Variants in ZNF236 observed in about 807,000 individuals in gnomAD.
The protein encoded by ZNF236 is zinc finger protein 236.
A neutral mutation model predicts 191.2 loss-of-function variants in ZNF236; 50 were observed. That is an observed-to-expected ratio of 0.26 (90% CI 0.21 to 0.33). ZNF236 has a LOEUF of 0.33. Ranked by LOEUF, ZNF236 falls within the 10% of genes least tolerant of loss-of-function variation. ZNF236 has a pLI of 1.00. For missense variants in ZNF236, 1,754 were observed against 2,374.5 expected (o/e 0.74, Z 5.43); for synonymous variants, 907 against 928.8 (o/e 0.98, Z 0.43).
intron 9 of ZNF236, among the ~76,000 whole-genome samples, chr18:76,883,444 G>A (rs1198554980): frequency 7.0e-6 from 1 of 142,860 alleles, no homozygotes; most frequent in African/African-American, 2.6e-5. Flanking sequence ...TTTTTTTTGA[G>A]ACTGGGTCTT....
At chr18:76,916,771 G>T (rs1203981479) in intron 19 of ZNF236, among the ~76,000 whole-genome samples, 1 of 152,206 alleles carries the variant, frequency 6.6e-6, no homozygotes, top group Non-Finnish European at 1.5e-5. Flanking sequence ...CTGTGCCGCG[G>T]CCATCCTGTC....
chr18:76,870,938 G>C (rs780501424), intron 4 of ZNF236, among the ~76,000 whole-genome samples: 1 of 152,176 alleles, frequency 6.6e-6, no homozygotes, highest in Non-Finnish European at 1.5e-5. Flanking sequence ...GGTGGCACTG[G>C]GCCTGGTGTG....
intron 1 of ZNF236, among the ~76,000 whole-genome samples, chr18:76,828,059 A>G (rs1219452228): frequency 6.6e-6 from 1 of 152,132 alleles, no homozygotes; most frequent in African/African-American, 2.4e-5. Context: ...TGGATAAACA[A>G]GTCTTTTCCT....
At position 76,960,993 on chromosome 18, in the gene ZNF236, C is replaced by A; in HGVS notation, c.5419+138C>A. 1 of 971,774 alleles carries A rather than the reference C, an allele frequency of 1.0e-6. No homozygotes were observed. The allele number at this position is 971,774 out of a possible 1,614,324, so 60.2% of individuals were successfully genotyped here. A position where few individuals can be genotyped will look rare whatever the true frequency, so the allele number is the denominator to read the frequency against. ...CAGCCTCAGTTGTGTGGACTGGAAG[C>A]TTGTGCTTTATTTTATTTTTTGATT... On this transcript the variant is annotated intron_variant, in intron 30 of 30. Transcript: ENST00000320610. This position sits in a 1 kb window ranked among gnomAD's most constrained non-coding sequence, Gnocchi z 4.4.
At position 76,878,171 on chromosome 18, in the gene ZNF236, A is replaced by G. The variant is rs1300853148; in HGVS notation, c.984+19A>G. 6.3e-7 allele frequency: 1 copy of G among 1,580,368 alleles called. No homozygotes were observed. Among genetic ancestry groups the G allele is most frequent in the East Asian group, 2.2e-5 (1 of 44,454 alleles). ...TTTAACGGTAAGTTTAGTAATTTGG[A>G]AGAACTTCTTTTTAAACTAAAATCT... On this transcript the variant is annotated intron_variant, in intron 7 of 30. Transcript: ENST00000320610.
rs1256167423 is a variant in ZNF236, at chr18:76,908,943, GTGTGTGTGTA to G, written c.2551+380_2551+389del. Among the ~76,000 whole-genome samples, 29 of 142,300 alleles carry G rather than the reference GTGTGTGTGTA, an allele frequency of 2.0e-4. No homozygotes were observed. The East Asian group carries it at 5.7e-3, about 28-fold the overall frequency. 93.4% of individuals were successfully genotyped at this position (142,300 alleles called of 152,430 possible). A position where few individuals can be genotyped will look rare whatever the true frequency, so the allele number is the denominator to read the frequency against. ...TTTTTTTCCATACAAATATGCAGGG[GTGTGTGTGTA>G]TGTGTGTGTCTGTGTGTGTGTGTGT... On this transcript the variant is annotated intron_variant, in intron 14 of 30. Transcript: ENST00000320610.
chr18:76,972,728 AT>A lies in ZNF236; in HGVS notation c.*4397del, dbSNP rs3841255. Among the ~76,000 whole-genome samples, 1 of 152,132 alleles carries A rather than the reference AT, an allele frequency of 6.6e-6. No homozygotes were observed. The highest frequency in any genetic ancestry group is 2.4e-5 in the African/African-American group (1 of 41,500). Reference sequence around the variant, plus strand: ...CCACTAAAGAAAATTTTTAAAGTTAATTTTTTTTAATTACAGAAGAATTCTC... The same window carrying A: ...CCACTAAAGAAAATTTTTAAAGTTAATTTTTTTAATTACAGAAGAATTCTC... On this transcript the variant is annotated 3_prime_UTR_variant, in exon 31 of 31. Transcript: ENST00000320610.
chr18:76,901,039 G>A (rs781160347), intron 11 of ZNF236, among the ~76,000 whole-genome samples: 2 of 152,208 alleles, frequency 1.3e-5, no homozygotes, highest in South Asian at 2.1e-4. Context: ...GACAGGAGGC[G>A]GAGCTCAGAT....
chr18:76,831,407 G>A (rs1210068282), intron 1 of ZNF236, among the ~76,000 whole-genome samples: 1 of 152,162 alleles, frequency 6.6e-6, no homozygotes, highest in Non-Finnish European at 1.5e-5. Flanking sequence ...ATATTCTACT[G>A]TATGGATGTA....
Position 76,878,015 on chromosome 18 carries a change from A to G in ZNF236, c.847A>G (p.Asn283Asp), listed in dbSNP as rs753227496. Residue 283 changes from asparagine to aspartate, a missense_variant, in exon 7 of 31, where the codon AAT becomes GAT. Coordinates refer to ENST00000320610, the MANE Select transcript of ZNF236 (RefSeq NM_001306089.2). ...TTCCTTTTTATTCTTTAAGGTCAAG[A>G]ATGGTCCTACCTATAACTGTACAGA... is the stretch of plus-strand genomic sequence containing the variant. Reference protein sequence around the residue: ...HVQRVHSEVKNGPTYNCTECS... With the variant: ...HVQRVHSEVKDGPTYNCTECS... 4.4e-6 allele frequency: 7 copies of G among 1,583,518 alleles called. No homozygotes were observed. The Admixed American group carries it at 5.3e-5, about 12-fold the overall frequency.
intron 17 of ZNF236, among the ~76,000 whole-genome samples, chr18:76,912,992 C>G (rs1967259239): frequency 6.6e-6 from 1 of 151,624 alleles, no homozygotes; most frequent in South Asian, 2.1e-4. Context: ...TCAGACACTT[C>G]CAGCTTTTAG....
intron 25 of ZNF236, among the ~76,000 whole-genome samples, chr18:76,928,794 G>A (rs750211594): frequency 4.0e-5 from 6 of 151,846 alleles, no homozygotes; most frequent in Admixed American, 2.0e-4. Context: ...CTTTGCTCAC[G>A]TGACTCTTAA....
At chr18:76,955,812 C>T (rs1968509244) in intron 27 of ZNF236, among the ~76,000 whole-genome samples, 173 bp from the exon 28 acceptor site, 1 of 152,224 alleles carries the variant, frequency 6.6e-6, no homozygotes, top group South Asian at 2.1e-4. Flanking sequence ...ATTCTGGTCT[C>T]ATATTGTGTG....
intron 12 of ZNF236, among the ~76,000 whole-genome samples, chr18:76,904,834 G>A (rs1283730800): frequency 6.6e-6 from 1 of 152,164 alleles, no homozygotes; most frequent in Non-Finnish European, 1.5e-5. Context: ...TATCAGTTTA[G>A]ATTAATTCTT....
intron 3 of ZNF236, among the ~76,000 whole-genome samples, chr18:76,862,478 T>A (rs1365970569): frequency 6.6e-6 from 1 of 152,048 alleles, no homozygotes; most frequent in African/African-American, 2.4e-5. Flanking sequence ...TAACCTTGCA[T>A]CCAGGAGGGG....
chr18:76,943,439 C>G (rs1036239124), intron 26 of ZNF236, among the ~76,000 whole-genome samples: 35 of 152,102 alleles, frequency 2.3e-4, no homozygotes, highest in African/African-American at 8.0e-4. Context: ...TGCAGAAAAT[C>G]TATTCAAGAA....
At position 76,925,153 on chromosome 18, in the gene ZNF236, A is replaced by T. The variant is rs758250728; in HGVS notation, c.3662-36A>T. 1.3e-6 allele frequency: 2 copies of T among 1,596,028 alleles called. No homozygotes were observed. Among genetic ancestry groups the T allele is most frequent in the Non-Finnish European group, 1.7e-6 (2 of 1,169,408 alleles). ...GGTGGGGGTGAGTGTCGCGACTGCC[A>T]TCGCCTCTGTTGATTCTTGGCTGGG... On this transcript the variant is annotated intron_variant, in intron 21 of 30. Coordinates refer to ENST00000320610, the MANE Select transcript of ZNF236 (RefSeq NM_001306089.2). The surrounding 1 kb of genome is among the most constrained non-coding windows in gnomAD (Gnocchi z 5.7).
chr18:76,866,508 G>A (rs930290488), intron 3 of ZNF236, among the ~76,000 whole-genome samples: 1 of 152,200 alleles, frequency 6.6e-6, no homozygotes. Context: ...TCCGAGGGCC[G>A]GGGTTGGACA....
chr18:76,875,799 T>A lies in ZNF236; in HGVS notation c.840+135T>A. 2 of 963,324 alleles carry A rather than the reference T, an allele frequency of 2.1e-6. No individual in the cohort carries two copies. The highest frequency in any genetic ancestry group is 2.7e-6 in the Non-Finnish European group (2 of 729,992). The allele number at this position is 963,324 out of a possible 1,614,324, so 59.7% of individuals were successfully genotyped here. ...ATTTTGTGCCGAGCAGACCCTGTTT[T>A]AAAAAATACATACGTGGGAATTTTT... is the stretch of plus-strand genomic sequence containing the variant. On this transcript the variant is annotated intron_variant, in intron 6 of 30. Coordinates refer to ENST00000320610, the MANE Select transcript of ZNF236 (RefSeq NM_001306089.2). The surrounding 1 kb of genome is among the most constrained non-coding windows in gnomAD (Gnocchi z 4.3).
Sources: allele counts gnomAD v4.1 joint callset (sites outside exome capture counted in the v4.1 genomes callset), GRCh38; gene constraint gnomAD v4.1.1; non-coding constraint Gnocchi (gnomAD v3.1); transcripts MANE v1.5; gene names NCBI Gene and HGNC (gene_info 2026-07-23, HGNC 2026-07-21).